CD72: variants seen among roughly 807,000 people sequenced by gnomAD.
The protein encoded by CD72 is CD72 molecule, also known as B-cell differentiation antigen CD72.
In CD72, 28 loss-of-function variants were observed where a neutral mutation model predicts 50.7. The ratio of observed to expected loss-of-function variants is 0.55; its 90% CI spans 0.41 to 0.76. CD72 has a LOEUF of 0.76. CD72 is among the 30% of genes least tolerant of loss of function. CD72 has a pLI of 0.00. For synonymous variants in CD72, 176 were observed against 171.2 expected, an observed-to-expected ratio of 1.03 and a Z score of -0.22; for missense variants, 403 against 420.6, an observed-to-expected ratio of 0.96 and a Z score of 0.37.
chr9:35,621,424 C>T (rs1388520513), upstream of CD72, among the ~76,000 whole-genome samples: 1 of 152,196 alleles, frequency 6.6e-6, no homozygotes, highest in Non-Finnish European at 1.5e-5. Context: ...TCGGGAGCAT[C>T]TCCTAAGACT....
intron 1 of CD72, among the ~76,000 whole-genome samples, chr9:35,627,310 A>G (rs1823204710): frequency 6.6e-6 from 1 of 150,410 alleles, no homozygotes; most frequent in Non-Finnish European, 1.5e-5. Context: ...TTGTATTTTT[A>G]GTAGAGACAG....
intron 1 of CD72, among the ~76,000 whole-genome samples, chr9:35,625,668 A>C (rs1823189553): frequency 6.6e-6 from 1 of 152,252 alleles, no homozygotes; most frequent in South Asian, 2.1e-4. Flanking sequence ...GCCTGGCTTC[A>C]AATCTTCAAA....
intron 1 of CD72, among the ~76,000 whole-genome samples, chr9:35,644,215 G>A (rs891857654): frequency 1.3e-5 from 2 of 151,396 alleles, no homozygotes; most frequent in African/African-American, 2.4e-5. Flanking sequence ...GCATGGTGGC[G>A]AGTGCCTGTA....
intron 2 of CD72, 114 bp from the exon 3 acceptor site, chr9:35,617,361 T>C (rs1042088435): frequency 1.1e-5 from 13 of 1,156,462 alleles, no homozygotes; most frequent in Non-Finnish European, 1.6e-5. Flanking sequence ...CTACGTTGCC[T>C]GCTAGAGCTG....
intron 3 of CD72, 172 bp from the exon 4 acceptor site, chr9:35,616,861 G>A (rs545194915): frequency 2.9e-6 from 3 of 1,037,072 alleles, no homozygotes; most frequent in East Asian, 5.2e-5. Context: ...TGTTTCGCAG[G>A]TAGGGGAGAG....
At chr9:35,628,584 C>T (rs1176200150) in intron 1 of CD72, among the ~76,000 whole-genome samples, 2 of 152,232 alleles carry the variant, frequency 1.3e-5, no homozygotes, top group Non-Finnish European at 2.9e-5. Flanking sequence ...CAGGCCTCAC[C>T]GCTGGCTGCA....
chr9:35,638,141 G>A (rs115830036), intron 1 of CD72, among the ~76,000 whole-genome samples: 2,753 of 152,196 alleles, frequency 0.018, 87 homozygotes, highest in African/African-American at 0.061. Flanking sequence ...CGGAGGTGCC[G>A]TACATCCGGG....
At position 35,618,387 on chromosome 9, in the gene CD72, T is replaced by C. The variant is rs1823101705; in HGVS notation, c.-84A>G. On this transcript the variant is annotated 5_prime_UTR_variant, in exon 1 of 9. Transcript: ENST00000259633. The stretch of plus-strand genomic sequence containing the variant: ...CCTCTCGTCTCTGTCCGTTTACAAC[T>C]AGGCTCTGTGTTCCCTCTGTGACTG... 1 of 1,590,916 alleles carries C rather than the reference T, an allele frequency of 6.3e-7. No individual in the cohort carries two copies. Among genetic ancestry groups the C allele is most frequent in the Non-Finnish European group, 8.6e-7 (1 of 1,168,692 alleles).
At chr9:35,611,037 G>T (rs1220454956) in intron 7 of CD72, among the ~76,000 whole-genome samples, 1 of 152,174 alleles carries the variant, frequency 6.6e-6, no homozygotes, top group Admixed American at 6.5e-5. Flanking sequence ...GGATCACAAG[G>T]TCAGGACATC....
chr9:35,621,269 C>A (rs1236942271), upstream of CD72, among the ~76,000 whole-genome samples: 1 of 152,180 alleles, frequency 6.6e-6, no homozygotes, highest in Non-Finnish European at 1.5e-5. Context: ...CTCTCCTGGC[C>A]TCCCCACTAC....
upstream of CD72, among the ~76,000 whole-genome samples, chr9:35,622,915 T>C (rs896321144): frequency 3.9e-5 from 6 of 152,292 alleles, no homozygotes; most frequent in South Asian, 8.3e-4. Context: ...GAGACCAGAC[T>C]GGCCAACACA....
chr9:35,610,384 G>A (rs917853764), intron 8 of CD72, 84 bp from the exon 9 acceptor site: 13 of 447,650 alleles, frequency 2.9e-5, no homozygotes, highest in Non-Finnish European at 4.8e-5. Flanking sequence ...CTCAGCTCTC[G>A]ACAGCCACAC....
intron 8 of CD72, 72 bp downstream of exon 8, chr9:35,610,530 T>C: frequency 4.1e-6 from 1 of 246,730 alleles, no homozygotes; most frequent in Non-Finnish European, 5.5e-6. Flanking sequence ...CCTGGGCCCC[T>C]GCTCTGAGTC....
At chr9:35,620,720 C>T (rs1451699972), upstream of CD72, among the ~76,000 whole-genome samples, 1 of 151,906 alleles carries the variant, frequency 6.6e-6, no homozygotes, top group African/African-American at 2.4e-5. Context: ...ATTCCAGCTA[C>T]TAGGGAGGCT....
At chr9:35,618,969 G>A (rs934691122), upstream of CD72, 1 of 328,212 alleles carries the variant, frequency 3.0e-6, no homozygotes, top group African/African-American at 2.2e-5. Flanking sequence ...CCAGGGAGCA[G>A]GTGAGCAAGG....
At chr9:35,612,788 T>A in intron 6 of CD72, 60 bp downstream of exon 6, 1 of 1,508,338 alleles carries the variant, frequency 6.6e-7, no homozygotes, top group Non-Finnish European at 9.1e-7. Flanking sequence ...CCTGACTTGA[T>A]GACATATGTC....
intron 1 of CD72, among the ~76,000 whole-genome samples, chr9:35,630,528 C>G (rs1469090957): frequency 6.6e-6 from 1 of 151,642 alleles, no homozygotes; most frequent in Admixed American, 6.6e-5. Flanking sequence ...CTGTTTATTC[C>G]CATCTTGTTT....
In CD72 at chr9:35,610,599, T is replaced by A; in HGVS notation, c.*22+3A>T. On this transcript the variant is annotated splice_donor_region_variant and intron_variant, in intron 8 of 8. Coordinates refer to ENST00000259633, the MANE Select transcript of CD72 (RefSeq NM_001782.3). ...ATGCCTCAGCCCCATCCCTCACTCT[T>A]ACCAACTCAGTGCAAAGGACTGTCC... The A allele has an allele frequency of 6.2e-7, 1 of 1,610,740 alleles. No homozygotes were observed. Among genetic ancestry groups the A allele is most frequent in the Non-Finnish European group, 8.5e-7 (1 of 1,178,018 alleles).
Position 35,612,891 on chromosome 9 carries a change from A to G in CD72, c.791T>C (p.Leu264Pro), listed in dbSNP as rs1483260983. The G allele has an allele frequency of 6.2e-7, 1 of 1,614,236 alleles. No individual in the cohort carries two copies. Residue 264 changes from leucine (L) to proline (P), a missense_variant, in exon 6 of 9, where the codon CTG becomes CCG. Leu to Pro is a moderately conservative substitution (Grantham distance 98). Transcript: ENST00000259633. ...WQESQKQCET[L>P]SSKLATFSEI... ...ACTGAATGTGGCCAGCTTGGAAGACAGAGTTTCACATTGTTTTTGGCTCTC... is the reference window on the plus strand; with the variant it reads ...ACTGAATGTGGCCAGCTTGGAAGACGGAGTTTCACATTGTTTTTGGCTCTC...
Sources: gnomAD v4.1 joint callset for allele counts (sites outside exome capture counted in the v4.1 genomes callset) on GRCh38, gnomAD v4.1.1 for gene constraint, MANE v1.5 for transcripts, NCBI Gene and HGNC (gene_info 2026-07-23, HGNC 2026-07-21) for gene names.